The following IQGAP2 variants were observed in gnomAD, a reference collection of about 807,000 sequenced individuals.
The protein encoded by IQGAP2 is ras GTPase-activating-like protein IQGAP2.
A neutral mutation model predicts 201.3 loss-of-function variants in IQGAP2; 173 were observed. The observed-to-expected ratio is 0.86, with a 90% CI of 0.76 to 0.98. The LOEUF (loss-of-function observed/expected upper bound fraction) is 0.98. IQGAP2 is among the 50% of genes least tolerant of loss of function. IQGAP2 has a pLI of 0.00. For missense variants in IQGAP2, 1,687 were observed against 1,864.8 expected, an observed-to-expected ratio of 0.90 and a Z score of 1.76; for synonymous variants, 675 against 673.9, an observed-to-expected ratio of 1.00 and a Z score of -0.03.
chr5:76,480,915 G>A (rs959813156), intron 2 of IQGAP2, among the ~76,000 whole-genome samples: 1 of 152,130 alleles, frequency 6.6e-6, no homozygotes, highest in Non-Finnish European at 1.5e-5. Flanking sequence ...TCAAAGTACT[G>A]GTGGGTTTGG....
At chr5:76,704,290 A>G (rs1747685607) in intron 35 of IQGAP2, among the ~76,000 whole-genome samples, 1 of 152,218 alleles carries the variant, frequency 6.6e-6, no homozygotes, top group African/African-American at 2.4e-5. Context: ...TGTGATTGCC[A>G]AGAAGGAAAT....
At chr5:76,578,187 C>T (rs757309772) in intron 5 of IQGAP2, among the ~76,000 whole-genome samples, 1 of 152,226 alleles carries the variant, frequency 6.6e-6, no homozygotes, top group Non-Finnish European at 1.5e-5. Flanking sequence ...TGTCCTACCA[C>T]TCACCAATCC....
chr5:76,641,332 A>ATT (rs536847840), intron 17 of IQGAP2, among the ~76,000 whole-genome samples: 12 of 152,200 alleles, frequency 7.9e-5, no homozygotes, highest in Non-Finnish European at 1.8e-4. Context: ...AGCACCGCAG[A>ATT]TTTGCACAGA....
chr5:76,657,916 T>G (rs1458839926), intron 20 of IQGAP2, among the ~76,000 whole-genome samples: 1 of 152,198 alleles, frequency 6.6e-6, no homozygotes, highest in Non-Finnish European at 1.5e-5. Flanking sequence ...GAACATTCGT[T>G]TTACTTATCA....
chr5:76,695,595 C>A lies in IQGAP2; in HGVS notation c.4135C>A (p.Arg1379=), dbSNP rs17681908. 1 of 1,614,142 alleles carries A rather than the reference C, an allele frequency of 6.2e-7. No homozygotes were observed. The highest frequency in any genetic ancestry group is 8.5e-7 in the Non-Finnish European group (1 of 1,180,016). The change falls in exon 32 of 36, where the codon CGG becomes AGG. Residue 1379 remains arginine (R), a synonymous_variant. Coordinates refer to ENST00000274364, the MANE Select transcript of IQGAP2 (RefSeq NM_006633.5). The part of the protein sequence containing the change: ...QKKRKIQRNL[R]TLEQTGHVSS... Reference sequence around the variant, plus strand: ...GAAGAGGAAAATCCAGAGGAATCTTCGGACGTTGGAACAGACTGGACACGT... The same window carrying A: ...GAAGAGGAAAATCCAGAGGAATCTTAGGACGTTGGAACAGACTGGACACGT...
intron 29 of IQGAP2, among the ~76,000 whole-genome samples, chr5:76,683,439 G>A (rs1210562237): frequency 2.6e-5 from 4 of 152,192 alleles, no homozygotes; most frequent in Non-Finnish European, 5.9e-5. Context: ...TTGAAGGTAA[G>A]CTCCAGATAT....
At chr5:76,581,500 C>CT (rs1745847404) in intron 5 of IQGAP2, among the ~76,000 whole-genome samples, 1 of 152,216 alleles carries the variant, frequency 6.6e-6, no homozygotes, top group South Asian at 2.1e-4. Context: ...TCAGAATTCT[C>CT]TCTGTGCTCT....
At chr5:76,642,583 C>G (rs1330453337) in intron 17 of IQGAP2, among the ~76,000 whole-genome samples, 2 of 152,110 alleles carry the variant, frequency 1.3e-5, no homozygotes, top group African/African-American at 4.8e-5. Context: ...CCCATAAAAC[C>G]AAGAGACTGT....
chr5:76,631,870 G>A lies in IQGAP2; in HGVS notation c.1624G>A (p.Val542Met). The change falls in exon 15 of 36, where the codon GTG becomes ATG. Residue 542 changes from valine (V) to methionine (M), a missense_variant. Val to Met is a conservative substitution (Grantham distance 21). Coordinates refer to ENST00000274364, the MANE Select transcript of IQGAP2 (RefSeq NM_006633.5). ...TTTCAATTACCCAGGGGTTACTCTGGTGGTTGATGTTAATCAGTGTTTGGA... is the reference window on the plus strand; with the variant it reads ...TTTCAATTACCCAGGGGTTACTCTGATGGTTGATGTTAATCAGTGTTTGGA... ...KDRAKQWVTL[V>M]VDVNQCLEGK... 6.3e-7 allele frequency: 1 copy of A among 1,588,698 alleles called. No homozygotes were observed. The highest frequency in any genetic ancestry group is 8.6e-7 in the Non-Finnish European group (1 of 1,165,572).
intron 5 of IQGAP2, among the ~76,000 whole-genome samples, chr5:76,582,183 G>T (rs1022024089): frequency 6.6e-6 from 1 of 152,174 alleles, no homozygotes; most frequent in African/African-American, 2.4e-5. Context: ...CTGAACCTGT[G>T]CTATTATGAA....
chr5:76,697,474 T>C (rs1378574831), intron 32 of IQGAP2, among the ~76,000 whole-genome samples: 4 of 152,134 alleles, frequency 2.6e-5, no homozygotes. Context: ...TGAAACCCTG[T>C]AACTACTAAA....
At chr5:76,478,757 A>G (rs1755597750) in intron 2 of IQGAP2, among the ~76,000 whole-genome samples, 1 of 152,146 alleles carries the variant, frequency 6.6e-6, no homozygotes, top group Admixed American at 6.5e-5. Context: ...TGTACCATCT[A>G]GGTTTGTTTA....
intron 1 of IQGAP2, among the ~76,000 whole-genome samples, chr5:76,405,167 C>T (rs928971941): frequency 2.0e-5 from 3 of 152,202 alleles, no homozygotes; most frequent in African/African-American, 4.8e-5. Context: ...GCAAAATTTC[C>T]GTGAATGTGG....
intron 2 of IQGAP2, among the ~76,000 whole-genome samples, chr5:76,555,911 C>G (rs1280213153): frequency 6.6e-6 from 1 of 152,192 alleles, no homozygotes; most frequent in Non-Finnish European, 1.5e-5. Flanking sequence ...GTGGTTACAA[C>G]CCAGTCACTT....
chr5:76,578,194 A>G (rs1251120760), intron 5 of IQGAP2, among the ~76,000 whole-genome samples: 1 of 152,042 alleles, frequency 6.6e-6, no homozygotes, highest in Non-Finnish European at 1.5e-5. Flanking sequence ...CCACTCACCA[A>G]TCCCTGTGTC....
chr5:76,654,646 T>C (rs898943603), intron 19 of IQGAP2, among the ~76,000 whole-genome samples: 1 of 152,390 alleles, frequency 6.6e-6, no homozygotes, highest in Non-Finnish European at 1.5e-5. Flanking sequence ...AGAAGAGATA[T>C]GGGAACATAG....
At chr5:76,478,349 C>T (rs1420270832) in intron 2 of IQGAP2, among the ~76,000 whole-genome samples, 3 of 151,998 alleles carry the variant, frequency 2.0e-5, no homozygotes, top group South Asian at 2.1e-4. Flanking sequence ...TGCAGTGAGC[C>T]GAGATCGTGC....
intron 32 of IQGAP2, among the ~76,000 whole-genome samples, chr5:76,697,284 A>G (rs149723876): frequency 2.8e-4 from 42 of 152,374 alleles, no homozygotes; most frequent in African/African-American, 9.4e-4. Flanking sequence ...TTATTTTAAA[A>G]ATGAATTTAA....
intron 6 of IQGAP2, among the ~76,000 whole-genome samples, 195 bp downstream of exon 6, chr5:76,589,168 C>T (rs1400264686): frequency 2.6e-5 from 4 of 151,798 alleles, no homozygotes; most frequent in African/African-American, 4.8e-5. Flanking sequence ...AAAAATTAGC[C>T]GGGCGTGGTG....
Sources: gnomAD v4.1 joint callset for allele counts (sites outside exome capture counted in the v4.1 genomes callset) on GRCh38, gnomAD v4.1.1 for gene constraint, MANE v1.5 for transcripts, NCBI Gene and HGNC (gene_info 2026-07-23, HGNC 2026-07-21) for gene names.